The following DIP2A variants were observed in gnomAD, a reference collection of about 807,000 sequenced individuals.
DIP2A encodes DIP2 acetate--CoA ligase A, also known as disco-interacting protein 2 homolog A.
In DIP2A, 85 loss-of-function variants were observed where a neutral mutation model predicts 177.4. That is an observed-to-expected ratio of 0.48 (90% CI 0.40 to 0.57). DIP2A has a LOEUF of 0.57. Among genes scored for constraint, DIP2A ranks in the 20% least tolerant of loss-of-function variants. The pLI is 0.00. For synonymous variants in DIP2A, 886 were observed against 881.8 expected, an observed-to-expected ratio of 1.00 and a Z score of -0.08; for missense variants, 1,791 against 2,100.2, an observed-to-expected ratio of 0.85 and a Z score of 2.88.
intron 28 of DIP2A, 30 bp downstream of exon 28, chr21:46,554,963 T>A: frequency 1.9e-6 from 3 of 1,539,228 alleles, no homozygotes; most frequent in Non-Finnish European, 2.6e-6. Flanking sequence ...CCAGGACCAG[T>A]CCCTTTTCCT....
At chr21:46,565,003 C>T (rs1222945451) in intron 35 of DIP2A, among the ~76,000 whole-genome samples, 2 of 152,244 alleles carry the variant, frequency 1.3e-5, no homozygotes, top group African/African-American at 4.8e-5. Flanking sequence ...TTGGCCACCC[C>T]GTTCTCCTCT....
rs8128792 is a variant in DIP2A at position 46,483,497 on chromosome 21, G to T, written c.92-1260G>T. Among the ~76,000 whole-genome samples, 917 of 152,350 alleles carry T rather than the reference G, an allele frequency of 6.0e-3. 10 individuals are homozygous for T. Among genetic ancestry groups the T allele is most frequent in the African/African-American group, 0.021 (881 of 41,578 alleles). ...GGGCAGGGCTTGGGCGCAGTGCAGG[G>T]TGGAGTAGGTGGGGAGGTTGTGGTA... On this transcript the variant is annotated intron_variant, in intron 1 of 37. Transcript: ENST00000417564.
Position 46,545,130 on chromosome 21 carries a change from A to T in DIP2A, c.2177-7A>T. 3.8e-6 allele frequency: 6 copies of T among 1,564,998 alleles called. No individual in the cohort carries two copies. In the Admixed American group the frequency reaches 5.6e-5, roughly 15 times the overall value. On this transcript the variant is annotated splice_region_variant and splice_polypyrimidine_tract_variant and intron_variant, in intron 18 of 37. Coordinates refer to ENST00000417564, the MANE Select transcript of DIP2A (RefSeq NM_015151.4). Reference sequence around the variant, plus strand: ...TTGATAATTTTGAGTTTTTTTTCTCATTTTAGCTAATGTATGTGTTGTGAA... The same window carrying T: ...TTGATAATTTTGAGTTTTTTTTCTCTTTTTAGCTAATGTATGTGTTGTGAA...
chr21:46,524,872 C>CTTTTTTTTTTTTTTTT (rs3061062), intron 8 of DIP2A, among the ~76,000 whole-genome samples: 2 of 63,402 alleles, frequency 3.2e-5, no homozygotes, highest in African/African-American at 6.9e-5. Context: ...TTGCTTTTTG[C>CTTTTTTTTTTTTTTTT]TTTTTTTTTT....
chr21:46,468,039 G>T (rs1460091258), intron 1 of DIP2A, among the ~76,000 whole-genome samples: 1 of 151,806 alleles, frequency 6.6e-6, no homozygotes, highest in African/African-American at 2.4e-5. Flanking sequence ...CGAGGTAGAC[G>T]GATCACTTGA....
intron 1 of DIP2A, among the ~76,000 whole-genome samples, chr21:46,461,732 A>G (rs1342109980): frequency 3.3e-5 from 5 of 152,188 alleles, no homozygotes; most frequent in African/African-American, 1.2e-4. Flanking sequence ...AGGAACCTCG[A>G]AAAATAGCTT....
At chr21:46,462,078 G>C (rs1192458207) in intron 1 of DIP2A, among the ~76,000 whole-genome samples, 1 of 152,160 alleles carries the variant, frequency 6.6e-6, no homozygotes, top group African/African-American at 2.4e-5. Flanking sequence ...AGACAGCAGA[G>C]AACAGAGTAG....
At chr21:46,476,502 G>T (rs1184235020) in intron 1 of DIP2A, among the ~76,000 whole-genome samples, 2 of 152,146 alleles carry the variant, frequency 1.3e-5, no homozygotes, top group Non-Finnish European at 2.9e-5. Flanking sequence ...GCATGGGGAA[G>T]AGCTCAGGAA....
At chr21:46,514,430 C>T (rs915003728) in intron 8 of DIP2A, among the ~76,000 whole-genome samples, 3 of 131,524 alleles carry the variant, frequency 2.3e-5, no homozygotes, top group African/African-American at 8.0e-5. Flanking sequence ...AGCAAGACTC[C>T]ATCTCAAAAA....
At chr21:46,495,234 C>CTT (rs1568967426) in intron 3 of DIP2A, among the ~76,000 whole-genome samples, 3 of 64,744 alleles carry the variant, frequency 4.6e-5, no homozygotes, top group African/African-American at 2.2e-4. Flanking sequence ...CTTCTCTTCT[C>CTT]TTCTCTTCTT....
chr21:46,550,416 T>C (rs1020950577), intron 22 of DIP2A, 127 bp from the exon 23 acceptor site: 4 of 832,294 alleles, frequency 4.8e-6, no homozygotes, highest in Non-Finnish European at 7.5e-6. Flanking sequence ...TTTAACAAAG[T>C]GTCCAGAGGG....
intron 8 of DIP2A, among the ~76,000 whole-genome samples, chr21:46,524,077 TC>T (rs2058953644): frequency 6.6e-6 from 1 of 152,190 alleles, no homozygotes; most frequent in Non-Finnish European, 1.5e-5. Context: ...CTCTGGAGTT[TC>T]CCCTTTTGGG....
At chr21:46,471,413 AC>A (rs2055369250) in intron 1 of DIP2A, among the ~76,000 whole-genome samples, 1 of 152,086 alleles carries the variant, frequency 6.6e-6, no homozygotes, top group Non-Finnish European at 1.5e-5. Context: ...ATATTCCCCC[AC>A]CCTTATACGT....
At chr21:46,561,651 C>T in intron 33 of DIP2A, 97 bp from the exon 34 acceptor site, 1 of 1,448,716 alleles carries the variant, frequency 6.9e-7, no homozygotes, top group Non-Finnish European at 9.7e-7. Context: ...TGTCAACAGA[C>T]CCTCAGAGTG....
chr21:46,551,566 A>G (rs775657703), intron 23 of DIP2A, 68 bp from the exon 24 acceptor site: 1 of 1,344,124 alleles, frequency 7.4e-7, no homozygotes, highest in Non-Finnish European at 1.0e-6. Context: ...AAAAATTGTA[A>G]ATAAAATCAC....
chr21:46,570,172 T>G (rs1373415058), downstream of DIP2A, among the ~76,000 whole-genome samples: 1 of 152,168 alleles, frequency 6.6e-6, no homozygotes, highest in Non-Finnish European at 1.5e-5. Context: ...AATTACTGCC[T>G]TGGGCTCAGT....
intron 6 of DIP2A, 67 bp from the exon 7 acceptor site, chr21:46,509,190 C>G: frequency 6.6e-7 from 1 of 1,526,366 alleles, no homozygotes; most frequent in East Asian, 2.3e-5. Context: ...GTCCTTGGAC[C>G]TTACACCTGT....
intron 36 of DIP2A, among the ~76,000 whole-genome samples, 190 bp from the exon 37 acceptor site, chr21:46,566,370 G>A (rs2839335): frequency 0.13 from 19,865 of 152,136 alleles, 1,837 homozygotes; most frequent in African/African-American, 0.26. Context: ...AGGTGGTTCC[G>A]TGCTGCAGAG....
At chr21:46,565,004 G>A (rs11910753) in intron 35 of DIP2A, among the ~76,000 whole-genome samples, 21,953 of 152,220 alleles carry the variant, frequency 0.14, 2,137 homozygotes, top group African/African-American at 0.27. Flanking sequence ...TGGCCACCCC[G>A]TTCTCCTCTT....
Sources: gnomAD v4.1 joint callset for allele counts (sites outside exome capture counted in the v4.1 genomes callset) on GRCh38, gnomAD v4.1.1 for gene constraint, MANE v1.5 for transcripts, NCBI Gene and HGNC (gene_info 2026-07-23, HGNC 2026-07-21) for gene names.